ARB2A: variants seen among roughly 807,000 people sequenced by gnomAD.
The protein encoded by ARB2A is cotranscriptional regulator ARB2A.
At chr5:93,632,936 T>G in the ARB2A span, among the ~76,000 whole-genome samples, 1 of 152,210 alleles carries the variant, frequency 6.6e-6, no homozygotes. Flanking sequence ...TTCTCAGCCC[T>G]TAGGACCGTT....
the ARB2A span, among the ~76,000 whole-genome samples, chr5:93,783,065 A>G: frequency 1.3e-5 from 2 of 152,150 alleles, no homozygotes; most frequent in African/African-American, 4.8e-5. Context: ...CCTTAGTTAG[A>G]AATACTTAAA....
At chr5:93,917,212 C>T in the ARB2A span, among the ~76,000 whole-genome samples, 1 of 152,180 alleles carries the variant, frequency 6.6e-6, no homozygotes, top group South Asian at 2.1e-4. Context: ...TTAACCCCTA[C>T]TGAATTCCCC....
At chr5:94,025,522 C>T in the ARB2A span, among the ~76,000 whole-genome samples, 142 of 152,226 alleles carry the variant, frequency 9.3e-4, no homozygotes, top group African/African-American at 3.1e-3. Flanking sequence ...ATATGAATGG[C>T]GTCAGAGATG....
the ARB2A span, among the ~76,000 whole-genome samples, chr5:93,832,350 C>A: frequency 6.6e-6 from 1 of 152,220 alleles, no homozygotes; most frequent in South Asian, 2.1e-4. Context: ...AAGAGACATG[C>A]TCAATTCTAA....
chr5:93,623,015 G>T, the ARB2A span, among the ~76,000 whole-genome samples: 1 of 152,102 alleles, frequency 6.6e-6, no homozygotes, highest in Non-Finnish European at 1.5e-5. Context: ...TTCTACATAT[G>T]CTCAGACATA....
the ARB2A span, among the ~76,000 whole-genome samples, chr5:93,726,040 C>T: frequency 3.3e-5 from 5 of 152,046 alleles, no homozygotes; most frequent in African/African-American, 9.7e-5. Context: ...ACTGTGCTAA[C>T]ATTGAGGTCT....
the ARB2A span, among the ~76,000 whole-genome samples, chr5:93,645,392 T>TAGAATATGGTTTAGTA: frequency 6.6e-6 from 1 of 152,038 alleles, no homozygotes; most frequent in Admixed American, 6.6e-5. Flanking sequence ...GCCAATATGG[T>TAGAATATGGTTTAGTA]GAAACCCTGT....
At chr5:93,738,155 T>G in the ARB2A span, 1 of 188,172 alleles carries the variant, frequency 5.3e-6, no homozygotes, top group Non-Finnish European at 1.1e-5. Context: ...GAATAGACAT[T>G]TCTTTAAAGA....
chr5:94,094,771 A>G, the ARB2A span, among the ~76,000 whole-genome samples: 16 of 152,278 alleles, frequency 1.1e-4, no homozygotes, highest in East Asian at 9.7e-4. Context: ...CACTTCTCAC[A>G]CCATTGTAAG....
the ARB2A span, among the ~76,000 whole-genome samples, chr5:93,635,461 T>TTTTTTTTTTTTTTTTTTTTTTTTTTG: frequency 6.9e-6 from 1 of 145,264 alleles, no homozygotes; most frequent in African/African-American, 2.5e-5. Context: ...ATACGAAAGT[T>TTTTTTTTTTTTTTTTTTTTTTTTTTG]TTTTTTTTTT....
the ARB2A span, among the ~76,000 whole-genome samples, chr5:93,831,412 T>C: frequency 6.6e-6 from 1 of 152,116 alleles, no homozygotes; most frequent in African/African-American, 2.4e-5. Context: ...TCTCACTATC[T>C]ATTTCCAGGG....
chr5:93,860,280 G>C, the ARB2A span, among the ~76,000 whole-genome samples: 3 of 152,046 alleles, frequency 2.0e-5, no homozygotes, highest in South Asian at 2.1e-4. Context: ...GCAGCAGAGG[G>C]AGACTTCATC....
At chr5:93,734,342 C>CTATTATATAGGT in the ARB2A span, 2 of 151,982 alleles carry the variant, frequency 1.3e-5, no homozygotes, top group Non-Finnish European at 2.9e-5. Flanking sequence ...CAGAAATTAC[C>CTATTATATAGGT]TATTATATAG....
the ARB2A span, among the ~76,000 whole-genome samples, chr5:93,912,504 A>G: frequency 6.6e-6 from 1 of 151,748 alleles, no homozygotes; most frequent in Non-Finnish European, 1.5e-5. Flanking sequence ...CTTACCTAAA[A>G]AGTTCTGCAA....
the ARB2A span, among the ~76,000 whole-genome samples, chr5:93,790,672 G>A: frequency 4.6e-5 from 7 of 152,118 alleles, no homozygotes; most frequent in Non-Finnish European, 8.8e-5. Context: ...AACAAAGCAC[G>A]AAGCCATGGC....
chr5:93,768,974 A>T, the ARB2A span, among the ~76,000 whole-genome samples: 3 of 152,154 alleles, frequency 2.0e-5, no homozygotes, highest in Non-Finnish European at 4.4e-5. Context: ...AAAAAAGGAA[A>T]AACAAAAACA....
At chr5:93,803,113 G>A in the ARB2A span, among the ~76,000 whole-genome samples, 3 of 151,996 alleles carry the variant, frequency 2.0e-5, no homozygotes, top group African/African-American at 7.2e-5. Flanking sequence ...TGCTTAGATA[G>A]GTGATAGTGA....
At chr5:93,874,787 A>G in the ARB2A span, among the ~76,000 whole-genome samples, 11 of 152,266 alleles carry the variant, frequency 7.2e-5, no homozygotes, top group Non-Finnish European at 8.8e-5. Context: ...ACTGAATTGA[A>G]CTACTGGACA....
chr5:93,974,952 T>C, the ARB2A span, among the ~76,000 whole-genome samples: 6 of 152,048 alleles, frequency 3.9e-5, no homozygotes, highest in Non-Finnish European at 8.8e-5. Context: ...TAGAGACACA[T>C]ACACCTCTGG....
Sources: allele counts gnomAD v4.1 joint callset (sites outside exome capture counted in the v4.1 genomes callset), GRCh38; gene constraint gnomAD v4.1.1; transcripts MANE v1.5; gene names NCBI Gene and HGNC (gene_info 2026-07-23, HGNC 2026-07-21).